Variants in RASSF3 observed in about 807,000 individuals in gnomAD.
The protein encoded by RASSF3 is ras association domain-containing protein 3.
Under a neutral mutation model 19.9 loss-of-function variants are expected in RASSF3, and 19 were observed. The ratio of observed to expected loss-of-function variants is 0.96; its 90% CI spans 0.67 to 1.40. RASSF3 has a LOEUF of 1.40. Among genes scored for constraint, RASSF3 ranks in the 40% most tolerant of loss-of-function variants. The pLI is 0.00. For synonymous variants in RASSF3, 110 were observed against 104.2 expected, an observed-to-expected ratio of 1.06 and a Z score of -0.34; for missense variants, 306 against 289.8, an observed-to-expected ratio of 1.06 and a Z score of -0.41.
intron 1 of RASSF3, among the ~76,000 whole-genome samples, chr12:64,516,042 A>T (rs1190760574): frequency 6.6e-6 from 1 of 151,596 alleles, no homozygotes; most frequent in Admixed American, 6.6e-5. Context: ...TATATGTTGT[A>T]TGGTATTTTC....
At chr12:64,514,685 A>T (rs1868350308) in intron 1 of RASSF3, among the ~76,000 whole-genome samples, 1 of 152,094 alleles carries the variant, frequency 6.6e-6, no homozygotes, top group Non-Finnish European at 1.5e-5. Flanking sequence ...AGTGACTTAG[A>T]TCTTCCAGGC....
chr12:64,525,471 T>TC (rs1013690079), intron 1 of RASSF3, among the ~76,000 whole-genome samples: 1 of 152,054 alleles, frequency 6.6e-6, no homozygotes, highest in Non-Finnish European at 1.5e-5. Flanking sequence ...CCTTTTGTTT[T>TC]CCCCCCATCT....
intron 1 of RASSF3, among the ~76,000 whole-genome samples, chr12:64,629,469 A>T (rs7307999): frequency 0.79 from 120,164 of 152,100 alleles, 47,836 homozygotes; most frequent in African/African-American, 0.85. Context: ...ACCTTTTGAT[A>T]TGTTATGAAA....
Position 64,678,223 on chromosome 12 carries a change from C to T in RASSF3, c.112-6564C>T, listed in dbSNP as rs371835500. ...TGTGAAAGGTGCTTGATGTTTTGCT[C>T]TATGCAATTCCTAGGCTAGAACCTG... On this transcript the variant is annotated intron_variant, in intron 1 of 4. Transcript: ENST00000542104. Among the ~76,000 whole-genome samples, 5 of 152,330 alleles carry T rather than the reference C, an allele frequency of 3.3e-5. No individual in the cohort carries two copies. The East Asian group carries it at 9.6e-4, about 29-fold the overall frequency.
chr12:64,546,164 C>G (rs2136118577), downstream of RASSF3, among the ~76,000 whole-genome samples: 1 of 148,676 alleles, frequency 6.7e-6, no homozygotes, highest in East Asian at 2.0e-4. Flanking sequence ...TCTGTATATA[C>G]ACGCAGGTGA....
upstream of RASSF3, among the ~76,000 whole-genome samples, chr12:64,532,234 G>C (rs1002718094): frequency 7.9e-5 from 12 of 152,156 alleles, no homozygotes; most frequent in African/African-American, 2.9e-4. Flanking sequence ...CTATTTACAG[G>C]CCTGGTTGAA....
intron 1 of RASSF3, among the ~76,000 whole-genome samples, chr12:64,616,830 A>G (rs1870570193): frequency 6.6e-6 from 1 of 152,190 alleles, no homozygotes; most frequent in Non-Finnish European, 1.5e-5. Flanking sequence ...CTCCAACAAT[A>G]TTAGCCTTCT....
At chr12:64,681,746 C>T (rs1180487760) in intron 1 of RASSF3, among the ~76,000 whole-genome samples, 1 of 152,168 alleles carries the variant, frequency 6.6e-6, no homozygotes, top group Non-Finnish European at 1.5e-5. Context: ...AGTGCAGTGG[C>T]TCATACCTGT....
chr12:64,549,982 A>T (rs1208223659), intron 2 of RASSF3, among the ~76,000 whole-genome samples: 2 of 152,176 alleles, frequency 1.3e-5, no homozygotes, highest in Non-Finnish European at 2.9e-5. Context: ...AAGTCTATCA[A>T]GATATTATTA....
chr12:64,550,287 GA>G (rs1202742253), intron 2 of RASSF3, among the ~76,000 whole-genome samples: 2 of 152,002 alleles, frequency 1.3e-5, no homozygotes, highest in African/African-American at 2.4e-5. Flanking sequence ...AAGGAAACGA[GA>G]AGGGGAAAGA....
chr12:64,625,837 T>A (rs1592428740), intron 1 of RASSF3, among the ~76,000 whole-genome samples: 1 of 152,210 alleles, frequency 6.6e-6, no homozygotes. Flanking sequence ...GGCCTGCTTA[T>A]GCTCCAGTGC....
chr12:64,511,089 T>C (rs187856929), intron 1 of RASSF3, among the ~76,000 whole-genome samples: 1 of 152,316 alleles, frequency 6.6e-6, no homozygotes, highest in East Asian at 1.9e-4. Context: ...GAAACTAAGA[T>C]ACAATAATAA....
At chr12:64,549,254 A>C (rs551239358) in intron 2 of RASSF3, among the ~76,000 whole-genome samples, 17 of 152,354 alleles carry the variant, frequency 1.1e-4, no homozygotes, top group African/African-American at 4.1e-4. Flanking sequence ...GTTCTGGCCT[A>C]TAATCCCAAC....
chr12:64,668,533 A>T (rs1471937573), intron 1 of RASSF3, among the ~76,000 whole-genome samples: 1 of 152,104 alleles, frequency 6.6e-6, no homozygotes, highest in Non-Finnish European at 1.5e-5. Context: ...TTAGGCTTCG[A>T]AAATGCTGGG....
upstream of RASSF3, among the ~76,000 whole-genome samples, chr12:64,607,690 GT>G (rs11416795): frequency 2.0e-5 from 3 of 151,702 alleles, no homozygotes; most frequent in African/African-American, 4.8e-5. Context: ...CTTTATTTAT[GT>G]TTTTTTTGTT....
At chr12:64,606,340 A>G (rs1870192924), upstream of RASSF3, among the ~76,000 whole-genome samples, 1 of 152,212 alleles carries the variant, frequency 6.6e-6, no homozygotes, top group Non-Finnish European at 1.5e-5. Context: ...AGTTAACAAG[A>G]AAGAAGTGAG....
intron 1 of RASSF3, among the ~76,000 whole-genome samples, chr12:64,663,220 T>A (rs2136200068): frequency 6.6e-6 from 1 of 152,272 alleles, no homozygotes; most frequent in South Asian, 2.1e-4. Flanking sequence ...GGCGGGAACC[T>A]CGGATGTGTT....
chr12:64,609,500 CAA>C (rs932031408), upstream of RASSF3: 1 of 152,046 alleles, frequency 6.6e-6, no homozygotes, highest in African/African-American at 2.4e-5. Flanking sequence ...CTTGCAGCTT[CAA>C]AAAAACCTTT....
chr12:64,584,321 T>G (rs1869755191), intron 2 of RASSF3, among the ~76,000 whole-genome samples: 1 of 152,100 alleles, frequency 6.6e-6, no homozygotes, highest in South Asian at 2.1e-4. Context: ...TGATTCTTTC[T>G]TTTGCCCAGA....
Sources: gnomAD v4.1 joint callset for allele counts (sites outside exome capture counted in the v4.1 genomes callset) on GRCh38, gnomAD v4.1.1 for gene constraint, MANE v1.5 for transcripts, NCBI Gene and HGNC (gene_info 2026-07-23, HGNC 2026-07-21) for gene names.